Variants in CAMTA1 observed in about 807,000 individuals in gnomAD.
CAMTA1 encodes calmodulin binding transcription activator 1, also known as calmodulin-binding transcription activator 1.
In CAMTA1, 27 loss-of-function variants were observed where a neutral mutation model predicts 170.9. That is an observed-to-expected ratio of 0.16 (90% confidence interval 0.12 to 0.22). The LOEUF (loss-of-function observed/expected upper bound fraction) is 0.22, where lower values mean the gene tolerates loss of function less well. Ranked by LOEUF, CAMTA1 falls within the 10% of genes least tolerant of loss-of-function variation. The pLI, the probability that CAMTA1 is intolerant of heterozygous loss-of-function variation, is 1.00. For missense variants in CAMTA1, 1,619 were observed against 2,217.2 expected (o/e 0.73, Z 5.42); for synonymous variants, 833 against 891.5 (o/e 0.93, Z 1.17).
chr1:7,167,303 G>A (rs995201754), intron 4 of CAMTA1, among the ~76,000 whole-genome samples: 7 of 152,038 alleles, frequency 4.6e-5, no homozygotes, highest in African/African-American at 1.7e-4. Flanking sequence ...TTGGAAAGAG[G>A]TGTCCCATGC....
chr1:7,331,102 T>C (rs2083002400), intron 5 of CAMTA1, among the ~76,000 whole-genome samples: 1 of 151,704 alleles, frequency 6.6e-6, no homozygotes. Context: ...TAGCTGGGAG[T>C]GATGGCAGGC....
chr1:7,541,719 G>T (rs1183878891), intron 6 of CAMTA1, among the ~76,000 whole-genome samples: 1 of 152,218 alleles, frequency 6.6e-6, no homozygotes, highest in Non-Finnish European at 1.5e-5. Context: ...GCAGCCTTTG[G>T]TTGTTCTGTG....
chr1:7,398,457 A>G (rs2089619653), intron 5 of CAMTA1, among the ~76,000 whole-genome samples: 1 of 151,690 alleles, frequency 6.6e-6, no homozygotes, highest in African/African-American at 2.4e-5. Flanking sequence ...TGCATGGAAT[A>G]TCATTTTCCA....
In CAMTA1 at chr1:7,585,682, G is replaced by A. The variant is rs565107336; in HGVS notation, c.511-54718G>A. 1.3e-5 allele frequency among the ~76,000 whole-genome samples: 2 copies of A among 152,130 alleles called. No individual in the cohort carries two copies. Among genetic ancestry groups the A allele is most frequent in the Non-Finnish European group, 1.5e-5 (1 of 68,018 alleles). The stretch of plus-strand genomic sequence containing the variant: ...AATGGGCCATGGGAGGACAAGAATA[G>A]GTAGCCTCAAGGGGCAGGAGGGGAA... On this transcript the variant is annotated intron_variant, in intron 6 of 22. Transcript: ENST00000303635. This position sits in a 1 kb window ranked among gnomAD's most constrained non-coding sequence, Gnocchi z 4.8.
At chr1:6,799,631 T>A (rs1387324709) in intron 1 of CAMTA1, among the ~76,000 whole-genome samples, 1 of 152,210 alleles carries the variant, frequency 6.6e-6, no homozygotes, top group Non-Finnish European at 1.5e-5. Context: ...GGGATTCATG[T>A]GTTGGGTAAA....
intron 6 of CAMTA1, among the ~76,000 whole-genome samples, chr1:7,583,548 C>T (rs1049798389): frequency 4.6e-5 from 7 of 152,110 alleles, no homozygotes; most frequent in African/African-American, 1.4e-4. Flanking sequence ...CTGCATGGAA[C>T]GAGGTGTGGG....
chr1:6,902,072 CA>C (rs1553180442), intron 3 of CAMTA1, among the ~76,000 whole-genome samples: 8 of 88,470 alleles, frequency 9.0e-5, no homozygotes, highest in Non-Finnish European at 1.6e-4. Context: ...CACACACACA[CA>C]AAAAAAAAAA....
intron 7 of CAMTA1, among the ~76,000 whole-genome samples, chr1:7,661,217 C>T (rs2095953783): frequency 1.4e-5 from 2 of 145,608 alleles, no homozygotes; most frequent in African/African-American, 5.2e-5. Flanking sequence ...GGGCAGGAAG[C>T]CAGAGTCTTA....
chr1:7,057,069 CG>C (rs1421339315), intron 3 of CAMTA1, among the ~76,000 whole-genome samples: 5 of 152,190 alleles, frequency 3.3e-5, no homozygotes, highest in Non-Finnish European at 7.3e-5. Flanking sequence ...GCCCTTCTCT[CG>C]GGTGGGGAGG....
intron 3 of CAMTA1, among the ~76,000 whole-genome samples, chr1:6,943,643 C>T (rs1388966718): frequency 1.3e-5 from 2 of 151,916 alleles, no homozygotes; most frequent in East Asian, 1.9e-4. Context: ...GATCAGAGTT[C>T]GAGACCAGCC....
At chr1:7,324,072 A>C (rs1391525169) in intron 5 of CAMTA1, among the ~76,000 whole-genome samples, 1 of 152,200 alleles carries the variant, frequency 6.6e-6, no homozygotes, top group Non-Finnish European at 1.5e-5. Flanking sequence ...CCAAGCACTA[A>C]GACATGTATA....
chr1:6,953,586 C>T (rs956722402), intron 3 of CAMTA1, among the ~76,000 whole-genome samples: 3 of 152,200 alleles, frequency 2.0e-5, no homozygotes, highest in Non-Finnish European at 4.4e-5. Context: ...CCTGAATTTC[C>T]CATCTTCCTG....
intron 22 of CAMTA1, among the ~76,000 whole-genome samples, chr1:7,759,245 C>G (rs576368393): frequency 2.6e-5 from 4 of 152,312 alleles, no homozygotes; most frequent in Admixed American, 2.0e-4. Flanking sequence ...CTGACCCAAA[C>G]TCCTACGTCA....
At chr1:6,849,121 T>C (rs1472579600) in intron 3 of CAMTA1, among the ~76,000 whole-genome samples, 1 of 152,208 alleles carries the variant, frequency 6.6e-6, no homozygotes, top group Non-Finnish European at 1.5e-5. Flanking sequence ...TTTTATGCTA[T>C]AGTGGCTTAT....
chr1:6,978,362 G>T (rs900254309), intron 3 of CAMTA1, among the ~76,000 whole-genome samples: 1 of 152,126 alleles, frequency 6.6e-6, no homozygotes, highest in African/African-American at 2.4e-5. Context: ...GGCCAGGCAC[G>T]GTGGCTCACG....
intron 3 of CAMTA1, among the ~76,000 whole-genome samples, chr1:6,907,746 G>A (rs1442941535): frequency 6.6e-6 from 1 of 152,194 alleles, no homozygotes. Flanking sequence ...TCCAGAAGTA[G>A]CGTGGGCATG....
chr1:6,866,366 G>A (rs1297827542), intron 3 of CAMTA1, among the ~76,000 whole-genome samples: 1 of 152,216 alleles, frequency 6.6e-6, no homozygotes. Context: ...TCAACTCCTT[G>A]ATGATCCAGA....
intron 11 of CAMTA1, among the ~76,000 whole-genome samples, chr1:7,691,113 G>A (rs1042911919): frequency 6.6e-6 from 1 of 152,214 alleles, no homozygotes; most frequent in African/African-American, 2.4e-5. Flanking sequence ...TTATGATGGA[G>A]GATGGTGACT....
At chr1:7,363,762 A>G (rs2085751085) in intron 5 of CAMTA1, among the ~76,000 whole-genome samples, 1 of 152,136 alleles carries the variant, frequency 6.6e-6, no homozygotes, top group South Asian at 2.1e-4. Context: ...ACTCTCCATG[A>G]GTGGAGTGTG....
Sources: gnomAD v4.1 joint callset for allele counts (sites outside exome capture counted in the v4.1 genomes callset) on GRCh38, gnomAD v4.1.1 for gene constraint, Gnocchi (gnomAD v3.1) non-coding constraint, MANE v1.5 for transcripts, NCBI Gene and HGNC (gene_info 2026-07-23, HGNC 2026-07-21) for gene names.